Variants in DLG2 observed in about 807,000 individuals in gnomAD.
DLG2 encodes discs large MAGUK scaffold protein 2.
Under a neutral mutation model 132.5 loss-of-function variants are expected in DLG2, and 45 were observed. The ratio of observed to expected loss-of-function variants is 0.34; its 90% CI spans 0.27 to 0.44. The LOEUF is 0.44. Among genes scored for constraint, DLG2 ranks in the 20% least tolerant of loss-of-function variants. The pLI, the probability that DLG2 is intolerant of heterozygous loss-of-function variation, is 1.00. For missense variants in DLG2, 1,045 were observed against 1,196.9 expected (o/e 0.87, Z 1.87); for synonymous variants, 424 against 419.6 (o/e 1.01, Z -0.13).
At chr11:85,437,323 CA>C (rs762405405) in intron 3 of DLG2, among the ~76,000 whole-genome samples, 5 of 143,952 alleles carry the variant, frequency 3.5e-5, no homozygotes, top group South Asian at 2.2e-4. Flanking sequence ...AAAAAAAAAA[CA>C]AAAAAAAAGA....
chr11:84,046,603 T>A (rs1192504197), intron 11 of DLG2, among the ~76,000 whole-genome samples: 1 of 151,590 alleles, frequency 6.6e-6, no homozygotes, highest in Non-Finnish European at 1.5e-5. Context: ...GTACCTAGTT[T>A]GTTTCCTGTG....
intron 6 of DLG2, among the ~76,000 whole-genome samples, chr11:84,836,162 T>C (rs116033593): frequency 0.025 from 3,735 of 151,852 alleles, 174 homozygotes; most frequent in African/African-American, 0.086. Flanking sequence ...AGTAAGAGAA[T>C]TGGTAATTAA....
intron 4 of DLG2, among the ~76,000 whole-genome samples, chr11:85,160,511 T>C (rs906452691): frequency 3.9e-5 from 6 of 152,208 alleles, no homozygotes; most frequent in African/African-American, 1.4e-4. Flanking sequence ...AACGTTTGAC[T>C]ATAGGTCATC....
At chr11:83,530,090 C>G (rs2095701316) in intron 21 of DLG2, among the ~76,000 whole-genome samples, 1 of 151,968 alleles carries the variant, frequency 6.6e-6, no homozygotes, top group Non-Finnish European at 1.5e-5. Context: ...ATCTGTCTGT[C>G]TGTCTGTCTA....
intron 12 of DLG2, among the ~76,000 whole-genome samples, chr11:83,978,936 A>G (rs898120875): frequency 2.0e-5 from 3 of 152,116 alleles, no homozygotes; most frequent in African/African-American, 7.2e-5. Flanking sequence ...TTTGAAACCC[A>G]GTTTTGTCCA....
At chr11:85,110,445 A>T (rs914554243) in intron 6 of DLG2, among the ~76,000 whole-genome samples, 1 of 151,850 alleles carries the variant, frequency 6.6e-6, no homozygotes, top group Non-Finnish European at 1.5e-5. Context: ...CCAAAAACAG[A>T]AAAACCACAT....
chr11:84,066,492 G>T (rs1056733494), intron 10 of DLG2, among the ~76,000 whole-genome samples: 9 of 152,292 alleles, frequency 5.9e-5, no homozygotes, highest in African/African-American at 1.9e-4. Flanking sequence ...GGGAGCGATG[G>T]CTTATGCCTA....
intron 10 of DLG2, among the ~76,000 whole-genome samples, chr11:84,070,359 G>C (rs2096737863): frequency 6.6e-6 from 1 of 152,088 alleles, no homozygotes; most frequent in African/African-American, 2.4e-5. Flanking sequence ...ACACTCCATA[G>C]CCCATGAAAT....
chr11:84,938,883 A>G (rs1279006935), intron 6 of DLG2, among the ~76,000 whole-genome samples: 1 of 152,222 alleles, frequency 6.6e-6, no homozygotes, highest in African/African-American at 2.4e-5. Context: ...AAACATAGAT[A>G]AATATAACCC....
At chr11:85,541,487 T>C (rs1165231531) in intron 3 of DLG2, among the ~76,000 whole-genome samples, 4 of 150,712 alleles carry the variant, frequency 2.7e-5, no homozygotes, top group Admixed American at 2.0e-4. Flanking sequence ...GAATGTTTTA[T>C]CTTTAATAAA....
At chr11:84,618,383 T>C (rs926828619) in intron 6 of DLG2, among the ~76,000 whole-genome samples, 4 of 152,086 alleles carry the variant, frequency 2.6e-5, no homozygotes, top group African/African-American at 9.7e-5. Context: ...CGTCCTGCTA[T>C]AATACGTCAA....
At chr11:83,531,632 A>G (rs2095747382) in intron 21 of DLG2, among the ~76,000 whole-genome samples, 2 of 152,038 alleles carry the variant, frequency 1.3e-5, no homozygotes, top group African/African-American at 4.8e-5. Flanking sequence ...TGACCCAACA[A>G]TCTCACTCCT....
chr11:84,895,083 G>T (rs1220640995), intron 6 of DLG2, among the ~76,000 whole-genome samples: 2 of 152,086 alleles, frequency 1.3e-5, no homozygotes, highest in East Asian at 1.9e-4. Flanking sequence ...TTTAAATGAA[G>T]TTAAAATTTA....
At chr11:83,499,891 A>ATC (rs1555113388) in intron 21 of DLG2, among the ~76,000 whole-genome samples, 15 of 108,198 alleles carry the variant, frequency 1.4e-4, no homozygotes, top group African/African-American at 5.9e-4. Flanking sequence ...ATATATATAT[A>ATC]TATATATCAG....
chr11:84,837,149 C>T lies in DLG2; in HGVS notation c.357+274512G>A, dbSNP rs1205153350. 3.3e-5 allele frequency among the ~76,000 whole-genome samples: 5 copies of T among 151,692 alleles called. No individual in the cohort carries two copies. The East Asian group carries it at 9.8e-4, about 30-fold the overall frequency. On this transcript the variant is annotated intron_variant, in intron 6 of 27. Coordinates refer to ENST00000376104, the MANE Select transcript of DLG2 (RefSeq NM_001142699.3). ...AAGCCTATGACCATGACTGTATTAG[C>T]TATATACATTTCAATCAAAACAGTT... is the stretch of plus-strand genomic sequence containing the variant.
chr11:83,585,639 A>C (rs533789623), intron 19 of DLG2, among the ~76,000 whole-genome samples: 3 of 152,240 alleles, frequency 2.0e-5, no homozygotes, highest in Admixed American at 6.5e-5. Flanking sequence ...CAACATTTGG[A>C]TATTTTTCTG....
intron 14 of DLG2, among the ~76,000 whole-genome samples, chr11:83,961,704 A>G (rs1035384062): frequency 6.6e-6 from 1 of 152,052 alleles, no homozygotes; most frequent in African/African-American, 2.4e-5. Flanking sequence ...ATCAAATATT[A>G]GTAATAGGAT....
intron 14 of DLG2, among the ~76,000 whole-genome samples, chr11:83,957,804 G>T (rs1036626437): frequency 1.3e-5 from 2 of 152,006 alleles, no homozygotes; most frequent in African/African-American, 4.8e-5. Flanking sequence ...CTTTGGCTTT[G>T]CTATTCCCTC....
chr11:83,978,858 T>C (rs2092521216), intron 12 of DLG2, among the ~76,000 whole-genome samples: 1 of 152,078 alleles, frequency 6.6e-6, no homozygotes, highest in South Asian at 2.1e-4. Context: ...AGGAAACTAA[T>C]GAAACCATGT....
Sources: gnomAD v4.1 joint callset for allele counts (sites outside exome capture counted in the v4.1 genomes callset) on GRCh38, gnomAD v4.1.1 for gene constraint, MANE v1.5 for transcripts, NCBI Gene and HGNC (gene_info 2026-07-23, HGNC 2026-07-21) for gene names.